Variants in CTNNA2 observed in about 807,000 individuals in gnomAD.
The protein encoded by CTNNA2 is catenin alpha 2.
CTNNA2 carries 42 observed loss-of-function variants against 101.0 expected under a neutral mutation model. The ratio of observed to expected loss-of-function variants is 0.42; its 90% CI spans 0.32 to 0.54. The LOEUF is 0.54. Among genes scored for constraint, CTNNA2 ranks in the 20% least tolerant of loss-of-function variants. CTNNA2 has a pLI of 0.14. For synonymous variants in CTNNA2, 450 were observed against 456.4 expected (o/e 0.99, Z 0.18); for missense variants, 871 against 1,223.1 (o/e 0.71, Z 4.29).
chr2:80,205,471 T>C (rs1434943877), intron 7 of CTNNA2, among the ~76,000 whole-genome samples: 1 of 152,182 alleles, frequency 6.6e-6, no homozygotes, highest in African/African-American at 2.4e-5. Flanking sequence ...TAAAGATTTA[T>C]TTAGATTAAA....
chr2:80,154,871 A>G (rs535691085), intron 7 of CTNNA2, among the ~76,000 whole-genome samples: 2 of 152,348 alleles, frequency 1.3e-5, no homozygotes, highest in African/African-American at 4.8e-5. Flanking sequence ...ACATTTGTTC[A>G]TATGATTTAT....
intron 7 of CTNNA2, among the ~76,000 whole-genome samples, chr2:80,261,145 C>T (rs922607660): frequency 4.6e-5 from 7 of 152,240 alleles, no homozygotes; most frequent in East Asian, 1.9e-4. Context: ...AGTTGCTTCC[C>T]GGTTCATACA....
At chr2:80,554,638 A>T (rs1483242958) in intron 11 of CTNNA2, among the ~76,000 whole-genome samples, 1 of 152,152 alleles carries the variant, frequency 6.6e-6, no homozygotes, top group African/African-American at 2.4e-5. Flanking sequence ...ATTCCTTAAG[A>T]TTCTGCCCTC....
chr2:79,716,766 G>T (rs1307103713), intron 2 of CTNNA2, among the ~76,000 whole-genome samples: 2 of 152,048 alleles, frequency 1.3e-5, no homozygotes, highest in African/African-American at 4.8e-5. Context: ...GGAAGACTTA[G>T]CCAATAGTTG....
chr2:80,390,852 T>C (rs1677440811), intron 7 of CTNNA2, among the ~76,000 whole-genome samples: 1 of 151,948 alleles, frequency 6.6e-6, no homozygotes, highest in Admixed American at 6.6e-5. Flanking sequence ...TTACATTAGG[T>C]CGGGCGTGGT....
At chr2:80,345,658 TA>T (rs938447535) in intron 7 of CTNNA2, among the ~76,000 whole-genome samples, 45 of 147,806 alleles carry the variant, frequency 3.0e-4, no homozygotes, top group East Asian at 1.4e-3. Context: ...GGGACTAATT[TA>T]AAAAAAAAAA....
chr2:80,346,034 A>G (rs72813640), intron 7 of CTNNA2, among the ~76,000 whole-genome samples: 9,345 of 152,290 alleles, frequency 0.061, 557 homozygotes, highest in African/African-American at 0.14. Context: ...ATAAAACTGG[A>G]ACTCATTTCT....
At chr2:79,216,519 G>A (rs983977225) in intron 2 of CTNNA2, among the ~76,000 whole-genome samples, 1 of 151,952 alleles carries the variant, frequency 6.6e-6, no homozygotes, top group Non-Finnish European at 1.5e-5. Flanking sequence ...AGAGATAAGA[G>A]GTTGGGGTGC....
chr2:79,671,310 G>A (rs1216745013), intron 2 of CTNNA2, among the ~76,000 whole-genome samples: 2 of 152,202 alleles, frequency 1.3e-5, no homozygotes, highest in East Asian at 1.9e-4. Flanking sequence ...ATAAGTGATC[G>A]CATTAGAGCA....
intron 2 of CTNNA2, among the ~76,000 whole-genome samples, chr2:79,687,962 C>T (rs375677026): frequency 4.6e-5 from 7 of 152,004 alleles, no homozygotes; most frequent in Non-Finnish European, 1.0e-4. Context: ...GGACAACAAA[C>T]TATAAAGTGA....
At chr2:80,416,712 T>A (rs752768499) in intron 8 of CTNNA2, among the ~76,000 whole-genome samples, 3 of 152,054 alleles carry the variant, frequency 2.0e-5, no homozygotes, top group Non-Finnish European at 2.9e-5. Flanking sequence ...ATTCTATCAC[T>A]TTTTAAGTTA....
chr2:80,228,346 A>G (rs1004238865), intron 7 of CTNNA2, among the ~76,000 whole-genome samples: 1 of 152,100 alleles, frequency 6.6e-6, no homozygotes, highest in Non-Finnish European at 1.5e-5. Context: ...CTGTGTTTTC[A>G]TATGGTGGAA....
At chr2:79,338,598 C>CTTCTTCTTCTTCTTCTTCTTCTTCTTA (rs1677057356) in intron 3 of CTNNA2, among the ~76,000 whole-genome samples, 1 of 145,110 alleles carries the variant, frequency 6.9e-6, no homozygotes, top group Non-Finnish European at 1.5e-5. Flanking sequence ...TCTTCTTCTT[C>CTTCTTCTTCTTCTTCTTCTTCTTCTTA]TTCTTCTTCT....
chr2:80,027,756 C>T (rs1244306790), intron 7 of CTNNA2, among the ~76,000 whole-genome samples: 6 of 151,688 alleles, frequency 4.0e-5, no homozygotes, highest in Admixed American at 2.6e-4. Context: ...TTGCATGAGG[C>T]CAGGAGTTCC....
chr2:80,162,334 A>C lies in CTNNA2; in HGVS notation c.1057-230877A>C, dbSNP rs1704376140. 10 of 1,025,876 alleles carry C rather than the reference A, an allele frequency of 9.7e-6. No homozygotes were observed. The South Asian group carries it at 2.0e-4, about 21-fold the overall frequency. The allele number at this position is 1,025,876 out of a possible 1,614,324, so 63.5% of individuals were successfully genotyped here. A position where few individuals can be genotyped will look rare whatever the true frequency, so the allele number is the denominator to read the frequency against. On this transcript the variant is annotated intron_variant, in intron 7 of 18. Transcript: ENST00000402739. ...TGTAGCTTTAAAAAAATGTATAAAG[A>C]AATGTGACAACTTGTAAAGCTGCTC...
intron 7 of CTNNA2, among the ~76,000 whole-genome samples, chr2:80,141,278 G>A (rs951294981): frequency 2.0e-5 from 3 of 151,798 alleles, no homozygotes; most frequent in African/African-American, 7.3e-5. Context: ...GTCTCGCGGA[G>A]GCCACAATTC....
intron 7 of CTNNA2, among the ~76,000 whole-genome samples, chr2:80,210,341 C>T (rs111348095): frequency 0.03 from 4,549 of 152,164 alleles, 241 homozygotes; most frequent in African/African-American, 0.1. Context: ...TTAGGTATAT[C>T]GCCTAATGCT....
chr2:79,473,323 A>G (rs1000373384), intron 4 of CTNNA2, among the ~76,000 whole-genome samples: 1 of 152,146 alleles, frequency 6.6e-6, no homozygotes, highest in Middle Eastern at 3.2e-3. Context: ...ATTTTGAAAA[A>G]TTAAAAAAAG....
At chr2:80,595,635 A>G (rs1052368390) in intron 15 of CTNNA2, among the ~76,000 whole-genome samples, 1 of 152,220 alleles carries the variant, frequency 6.6e-6, no homozygotes, top group Non-Finnish European at 1.5e-5. Context: ...AAGATGAAAT[A>G]AAACTGAAAC....
Sources: gnomAD v4.1 joint callset for allele counts (sites outside exome capture counted in the v4.1 genomes callset) on GRCh38, gnomAD v4.1.1 for gene constraint, MANE v1.5 for transcripts, NCBI Gene and HGNC (gene_info 2026-07-23, HGNC 2026-07-21) for gene names.